The following STXBP3 variants were observed in gnomAD, a reference collection of about 807,000 sequenced individuals.
The protein encoded by STXBP3 is syntaxin-binding protein 3.
A neutral mutation model predicts 85.7 loss-of-function variants in STXBP3; 41 were observed. The ratio of observed to expected loss-of-function variants is 0.48; its 90% confidence interval spans 0.37 to 0.62. STXBP3 has a LOEUF of 0.62. STXBP3 is among the 20% of genes least tolerant of loss of function. The probability of loss-of-function intolerance (pLI) is 0.00; values close to 1 mark genes in which losing one functional copy is unlikely to be tolerated. For synonymous variants in STXBP3, 229 were observed against 231.7 expected, an observed-to-expected ratio of 0.99 and a Z score of 0.10; for missense variants, 563 against 703.1, an observed-to-expected ratio of 0.80 and a Z score of 2.25.
intron 6 of STXBP3, among the ~76,000 whole-genome samples, chr1:108,762,574 A>G (rs962654751): frequency 6.6e-6 from 1 of 152,134 alleles, no homozygotes; most frequent in African/African-American, 2.4e-5. Context: ...ATCTTCTGTA[A>G]CATTCCACTC....
intron 9 of STXBP3, 73 bp downstream of exon 9, chr1:108,779,483 T>C: frequency 5.6e-6 from 8 of 1,430,802 alleles, no homozygotes; most frequent in Non-Finnish European, 7.4e-6. Flanking sequence ...ATGATTTATA[T>C]AGGCACCAGA....
chr1:108,786,953 T>C (rs1408160458), intron 11 of STXBP3, among the ~76,000 whole-genome samples: 5 of 152,250 alleles, frequency 3.3e-5, no homozygotes, highest in South Asian at 4.1e-4. Context: ...CCGCATTTTA[T>C]AATTTTCATT....
intron 6 of STXBP3, among the ~76,000 whole-genome samples, chr1:108,760,606 G>C (rs190011106): frequency 4.6e-5 from 7 of 152,204 alleles, no homozygotes; most frequent in Admixed American, 3.3e-4. Flanking sequence ...ATACTTTCCT[G>C]AGTGTTTTAC....
intron 6 of STXBP3, among the ~76,000 whole-genome samples, chr1:108,764,130 GTAGTA>G (rs1175700046): frequency 6.6e-6 from 1 of 152,112 alleles, no homozygotes; most frequent in Admixed American, 6.5e-5. Context: ...GTGAAAACAT[GTAGTA>G]TTTGGTTTTC....
At chr1:108,805,538 C>T (rs1200277617) in intron 17 of STXBP3, among the ~76,000 whole-genome samples, 1 of 151,624 alleles carries the variant, frequency 6.6e-6, no homozygotes, top group Non-Finnish European at 1.5e-5. Context: ...GATTCTTCTG[C>T]CTCAGTTTCC....
chr1:108,754,668 C>T (rs1292901146), intron 3 of STXBP3, among the ~76,000 whole-genome samples: 1 of 152,116 alleles, frequency 6.6e-6, no homozygotes, highest in Non-Finnish European at 1.5e-5. Context: ...ATTCCATGGC[C>T]AGTACATTTA....
At chr1:108,772,046 A>G (rs115598121) in intron 6 of STXBP3, among the ~76,000 whole-genome samples, 26 of 103,950 alleles carry the variant, frequency 2.5e-4, no homozygotes, top group Non-Finnish European at 3.3e-4. Flanking sequence ...TGATATCTAT[A>G]TATCATATAT....
At position 108,794,883 on chromosome 1, in the gene STXBP3, A is replaced by G. The variant is rs780716209; in HGVS notation, c.1086A>G (p.Ile362Met). Residue 362 changes from isoleucine (I) to methionine (M), a missense_variant, in exon 13 of 19, where the codon ATA becomes ATG. Ile to Met is a conservative substitution (Grantham distance 10). Coordinates refer to ENST00000370008, the MANE Select transcript of STXBP3 (RefSeq NM_007269.4). ...EDCMNKFKLN[I>M]EKLCKTEQDL... ...GCATGAATAAGTTCAAGCTTAATAT[A>G]GAAAAGCTCTGCAAAACTGAACAGG... The G allele has an allele frequency of 1.1e-5, 17 of 1,608,898 alleles. No individual in the cohort carries two copies. The highest frequency in any genetic ancestry group is 1.4e-5 in the Non-Finnish European group (16 of 1,177,108).
chr1:108,776,458 A>C (rs1307566713), intron 8 of STXBP3, 35 bp downstream of exon 8: 1 of 1,480,192 alleles, frequency 6.8e-7, no homozygotes. Flanking sequence ...ACTATGCATA[A>C]AGTCTGTCTT....
At chr1:108,786,672 T>G (rs1662836958) in intron 11 of STXBP3, among the ~76,000 whole-genome samples, 1 of 152,224 alleles carries the variant, frequency 6.6e-6, no homozygotes, top group African/African-American at 2.4e-5. Context: ...GACCACACTG[T>G]CTTAACTAGT....
In STXBP3 at chr1:108,800,214, C is replaced by T. The variant is rs199776830; in HGVS notation, c.1450-6C>T. The stretch of plus-strand genomic sequence containing the variant: ...TATTGATGGAATTAACTCTTTCCTT[C>T]CTTAGGATGCTATTGATAATAGATT... On this transcript the variant is annotated splice_polypyrimidine_tract_variant and splice_region_variant and intron_variant, in intron 16 of 18. Transcript: ENST00000370008. The T allele has an allele frequency of 1.9e-6, 3 of 1,596,828 alleles. No individual in the cohort carries two copies. Among genetic ancestry groups the T allele is most frequent in the Admixed American group, 3.3e-5 (2 of 59,904 alleles).
intron 8 of STXBP3, 48 bp from the exon 9 acceptor site, chr1:108,779,238 C>T: frequency 6.3e-7 from 1 of 1,576,658 alleles, no homozygotes; most frequent in Non-Finnish European, 8.6e-7. Flanking sequence ...ACTATGTTCA[C>T]ACTAAGAAAT....
chr1:108,749,724 A>G (rs1052868076), intron 1 of STXBP3, among the ~76,000 whole-genome samples: 3 of 152,158 alleles, frequency 2.0e-5, no homozygotes, highest in Non-Finnish European at 4.4e-5. Flanking sequence ...TCTTTTAGAC[A>G]ATAACACTGA....
At chr1:108,776,556 G>T in intron 8 of STXBP3, 133 bp downstream of exon 8, 1 of 558,692 alleles carries the variant, frequency 1.8e-6, no homozygotes, top group Admixed American at 3.1e-5. Flanking sequence ...ACTGATTTGA[G>T]AATCATTAAC....
chr1:108,806,517 C>T (rs531730116), intron 17 of STXBP3, among the ~76,000 whole-genome samples: 41 of 152,140 alleles, frequency 2.7e-4, no homozygotes, highest in African/African-American at 9.4e-4. Context: ...TCATTTCATC[C>T]TTGTAACAGC....
At chr1:108,777,682 T>C (rs1662618423) in intron 8 of STXBP3, among the ~76,000 whole-genome samples, 2 of 152,164 alleles carry the variant, frequency 1.3e-5, no homozygotes, top group South Asian at 4.1e-4. Context: ...TTTCCACTCT[T>C]TCTGCCTGGA....
In STXBP3 at chr1:108,798,214, C is replaced by T. The variant is rs367960138; in HGVS notation, c.1426C>T (p.Pro476Ser). The change falls in exon 16 of 19, where the codon CCT (proline) becomes TCT (serine). Residue 476 changes from proline to serine, a missense_variant. Physicochemically the swap from Pro to Ser is moderately conservative, Grantham distance 74. This residue lies in a region of STXBP3 where 494 missense variants were observed against 592.8 expected (regional missense o/e 0.83). Transcript: ENST00000370008. The stretch of plus-strand genomic sequence containing the variant: ...AACTTTTCAGCTCTCTCGGTGGACA[C>T]CTTTTATCAAAGATATTATGGAGGT... Reference protein sequence around the residue: ...EETFQLSRWTPFIKDIMEDAI... With the variant: ...EETFQLSRWTSFIKDIMEDAI... 1 of 1,610,360 alleles carries T rather than the reference C, an allele frequency of 6.2e-7. No homozygotes were observed. The highest frequency in any genetic ancestry group is 8.5e-7 in the Non-Finnish European group (1 of 1,178,766).
In STXBP3 at chr1:108,796,660, A is replaced by G. The variant is rs1170127584; in HGVS notation, c.1290A>G (p.Val430=). 2 of 1,613,498 alleles carry G rather than the reference A, an allele frequency of 1.2e-6. No individual in the cohort carries two copies. The highest frequency in any genetic ancestry group is 2.7e-5 in the African/African-American group (2 of 74,920). The stretch of plus-strand genomic sequence containing the variant: ...ATTTGGACAGGTTGATCCAGAATGT[A>G]AAGATAGAAAATGAGAGTGACATGA... The part of the protein sequence containing the change: ...EENLDRLIQN[V]KIENESDMIR... Residue 430 remains valine (V), a synonymous_variant, in exon 15 of 19, where the codon GTA becomes GTG. Transcript: ENST00000370008.
intron 17 of STXBP3, among the ~76,000 whole-genome samples, chr1:108,804,683 T>C (rs1005673016): frequency 1.2e-4 from 19 of 152,220 alleles, no homozygotes; most frequent in Non-Finnish European, 2.6e-4. Context: ...ATGTCTCAGT[T>C]TGGGGTTCCT....
Sources: gnomAD v4.1 joint callset for allele counts (sites outside exome capture counted in the v4.1 genomes callset) on GRCh38, gnomAD v4.1.1 for gene constraint, gnomAD v4.1.1 regional missense constraint, MANE v1.5 for transcripts, NCBI Gene and HGNC (gene_info 2026-07-23, HGNC 2026-07-21) for gene names.